Variants in MND1 observed in about 807,000 individuals in gnomAD.
The protein encoded by MND1 is meiotic nuclear divisions 1, also known as meiotic nuclear division protein 1 homolog.
MND1 carries 28 observed loss-of-function variants against 35.1 expected under a neutral mutation model. The ratio of observed to expected loss-of-function variants is 0.80; its 90% CI spans 0.59 to 1.09. The LOEUF is 1.09. Ranked by LOEUF, MND1 falls within the 50% of genes least tolerant of loss-of-function variation. The pLI is 0.00. For missense variants in MND1, 213 were observed against 239.6 expected (o/e 0.89, Z 0.73); for synonymous variants, 69 against 70.5 (o/e 0.98, Z 0.11).
At chr4:153,357,175 A>G (rs1490645793) in intron 3 of MND1, among the ~76,000 whole-genome samples, 1 of 152,156 alleles carries the variant, frequency 6.6e-6, no homozygotes, top group Non-Finnish European at 1.5e-5. Context: ...GTTGTTTCAA[A>G]ATGAAAAAAC....
intron 4 of MND1, among the ~76,000 whole-genome samples, chr4:153,392,228 A>G (rs1461244179): frequency 1.3e-5 from 2 of 151,840 alleles, no homozygotes; most frequent in Non-Finnish European, 2.9e-5. Context: ...CAGCCTCCCA[A>G]GTAGCTGGGA....
chr4:153,355,458 T>G (rs1773316765), intron 2 of MND1, among the ~76,000 whole-genome samples, 196 bp from the exon 3 acceptor site: 1 of 152,146 alleles, frequency 6.6e-6, no homozygotes, highest in Non-Finnish European at 1.5e-5. Context: ...AAAGAAATGA[T>G]AAGTGTTTGA....
chr4:153,357,749 C>T (rs2149632895), intron 3 of MND1, among the ~76,000 whole-genome samples: 1 of 152,214 alleles, frequency 6.6e-6, no homozygotes, highest in Non-Finnish European at 1.5e-5. Context: ...AAACAAAAAA[C>T]AAAATTCAAT....
chr4:153,381,690 A>G (rs866492285), intron 4 of MND1: 1 of 27,468 alleles, frequency 3.6e-5, no homozygotes, highest in Non-Finnish European at 6.2e-5. Context: ...ATATATATAT[A>G]TATTTTTTTT....
intron 4 of MND1, among the ~76,000 whole-genome samples, chr4:153,391,790 A>C (rs978000633): frequency 6.7e-6 from 1 of 149,372 alleles, no homozygotes; most frequent in African/African-American, 2.5e-5. Flanking sequence ...TTTTTTTTTA[A>C]CTTAGGAAGA....
chr4:153,409,066 T>C (rs1729606872), intron 7 of MND1, 51 bp downstream of exon 7: 2 of 1,110,242 alleles, frequency 1.8e-6, no homozygotes, highest in South Asian at 5.2e-5. Context: ...CCTTCACACT[T>C]ACTGCGACGT....
chr4:153,360,499 G>T (rs1273537798), intron 4 of MND1, among the ~76,000 whole-genome samples: 1 of 151,682 alleles, frequency 6.6e-6, no homozygotes, highest in Non-Finnish European at 1.5e-5. Context: ...TTTTGGGAAA[G>T]GTGTAAAGTG....
chr4:153,401,367 G>A (rs888748248), intron 6 of MND1, among the ~76,000 whole-genome samples: 1 of 152,144 alleles, frequency 6.6e-6, no homozygotes, highest in Non-Finnish European at 1.5e-5. Context: ...AGAGGTTGCT[G>A]AGCCAGAAAA....
At chr4:153,347,039 T>A (rs1182682447) in intron 1 of MND1, among the ~76,000 whole-genome samples, 1 of 152,214 alleles carries the variant, frequency 6.6e-6, no homozygotes, top group Non-Finnish European at 1.5e-5. Context: ...TTAAAAAATA[T>A]GTTGCCCAGG....
intron 4 of MND1, among the ~76,000 whole-genome samples, chr4:153,365,667 A>C (rs942409927): frequency 2.6e-5 from 4 of 151,944 alleles, no homozygotes; most frequent in African/African-American, 9.7e-5. Context: ...GGGCACAATC[A>C]TAGCTCACTG....
At chr4:153,361,545 T>C (rs1468180766) in intron 4 of MND1, 4 of 456,042 alleles carry the variant, frequency 8.8e-6, no homozygotes, top group Non-Finnish European at 1.3e-5. Context: ...AGTCTCCTAT[T>C]ATAGAAAATT....
At position 153,394,331 on chromosome 4, in the gene MND1, GA is replaced by G. The variant is rs1186368662; in HGVS notation, c.349del (p.Thr117ArgfsTer7). 6.2e-7 allele frequency: 1 copy of G among 1,611,064 alleles called. No homozygotes were observed. The highest frequency in any genetic ancestry group is 1.3e-5 in the African/African-American group (1 of 74,836). On this transcript the variant is annotated frameshift_variant, in exon 5 of 8. Transcript: ENST00000240488. LOFTEE classifies it high-confidence loss of function. ...SIEKAKIGRC[E>X]TEERTRLAKE... ...TGAGAAAGCTAAAATTGGCCGATGT[GA>G]AACGGTAAGTTTGTGTCTATAGATT...
At chr4:153,380,784 G>A (rs892191443) in intron 4 of MND1, among the ~76,000 whole-genome samples, 1 of 152,042 alleles carries the variant, frequency 6.6e-6, no homozygotes, top group Non-Finnish European at 1.5e-5. Flanking sequence ...GATTGTGGGG[G>A]GAATAAGGTA....
At chr4:153,392,249 A>C (rs6831999) in intron 4 of MND1, among the ~76,000 whole-genome samples, 41,982 of 151,382 alleles carry the variant, frequency 0.28, 6,595 homozygotes, top group African/African-American at 0.43. Flanking sequence ...CTACAAGCGC[A>C]CGCCACCACA....
intron 1 of MND1, 91 bp downstream of exon 1, chr4:153,344,831 T>C: frequency 5.2e-6 from 8 of 1,537,880 alleles, no homozygotes; most frequent in Non-Finnish European, 7.0e-6. Flanking sequence ...CGGCCTGGCG[T>C]TGACCGCCAT....
chr4:153,376,083 G>A (rs887983433), intron 4 of MND1, among the ~76,000 whole-genome samples: 58 of 152,208 alleles, frequency 3.8e-4, no homozygotes, highest in African/African-American at 1.3e-3. Context: ...ATTTTGGCTC[G>A]ACAGATAATA....
chr4:153,409,052 A>C (rs1326959988), intron 7 of MND1, 37 bp downstream of exon 7: 1 of 1,263,812 alleles, frequency 7.9e-7, no homozygotes, highest in Non-Finnish European at 1.0e-6. Context: ...CTATAGCTAA[A>C]TTCCCTTCAC....
At chr4:153,359,237 T>C (rs190478328) in intron 4 of MND1, among the ~76,000 whole-genome samples, 1 of 152,356 alleles carries the variant, frequency 6.6e-6, no homozygotes, top group Non-Finnish European at 1.5e-5. Flanking sequence ...CACTGATCTT[T>C]TTACTGTCTC....
chr4:153,378,943 A>G (rs983213674), intron 4 of MND1, among the ~76,000 whole-genome samples: 4 of 152,216 alleles, frequency 2.6e-5, no homozygotes, highest in African/African-American at 4.8e-5. Flanking sequence ...CTGATTTAGC[A>G]TACTTTAAAT....
Sources: gnomAD v4.1 joint callset for allele counts (sites outside exome capture counted in the v4.1 genomes callset) on GRCh38, gnomAD v4.1.1 for gene constraint, MANE v1.5 for transcripts, NCBI Gene and HGNC (gene_info 2026-07-23, HGNC 2026-07-21) for gene names.